UBE2O: variants seen among roughly 807,000 people sequenced by gnomAD.
UBE2O encodes (E3-independent) E2 ubiquitin-conjugating enzyme.
Under a neutral mutation model 125.8 loss-of-function variants are expected in UBE2O, and 15 were observed. That is an observed-to-expected ratio of 0.12 (90% CI 0.08 to 0.18). The LOEUF (loss-of-function observed/expected upper bound fraction) is 0.18, where lower values mean the gene tolerates loss of function less well. Ranked by LOEUF, UBE2O falls within the 10% of genes least tolerant of loss-of-function variation. The probability of loss-of-function intolerance (pLI) is 1.00; values close to 1 mark genes in which losing one functional copy is unlikely to be tolerated. For missense variants in UBE2O, 1,280 were observed against 1,723.6 expected (o/e 0.74, Z 4.56); for synonymous variants, 708 against 703.2 (o/e 1.01, Z -0.11).
intron 1 of UBE2O, among the ~76,000 whole-genome samples, chr17:76,433,127 C>T (rs954298637): frequency 2.0e-5 from 3 of 152,096 alleles, no homozygotes; most frequent in Admixed American, 1.3e-4. Context: ...CACACAAAAA[C>T]GTGGACTTGA....
intron 1 of UBE2O, among the ~76,000 whole-genome samples, chr17:76,436,348 T>C (rs776352907): frequency 1.3e-5 from 2 of 152,008 alleles, no homozygotes; most frequent in Non-Finnish European, 2.9e-5. Flanking sequence ...GAATTATGGG[T>C]GACTTTTTTT....
chr17:76,390,945 A>G lies in UBE2O; in HGVS notation c.3877T>C (p.Ter1293GlnextTer45). 2.5e-6 allele frequency: 4 copies of G among 1,600,136 alleles called. No individual in the cohort carries two copies. The highest frequency in any genetic ancestry group is 3.4e-6 in the Non-Finnish European group (4 of 1,173,404). The change falls in exon 18 of 18, where the codon TAG becomes CAG. Residue 1293 changes from the stop codon to glutamine, a stop_lost. Transcript: ENST00000319380. Reference sequence around the variant, plus strand: ...GCTCTTTCCTCTGTGCCTGGCAGCTACTTGTCCTCTGTGCACTCCGGCATG... The same window carrying G: ...GCTCTTTCCTCTGTGCCTGGCAGCTGCTTGTCCTCTGTGCACTCCGGCATG... ...AGMPECTEDK[*>Q] is the part of the protein sequence containing the mutation.
intron 1 of UBE2O, among the ~76,000 whole-genome samples, chr17:76,450,300 G>A (rs979546272): frequency 6.6e-6 from 1 of 152,100 alleles, no homozygotes; most frequent in Non-Finnish European, 1.5e-5. Flanking sequence ...TTGGTGGTCA[G>A]TAACAGACCA....
intron 1 of UBE2O, among the ~76,000 whole-genome samples, chr17:76,424,575 A>C (rs550179156): frequency 6.6e-6 from 1 of 152,292 alleles, no homozygotes; most frequent in South Asian, 2.1e-4. Context: ...GTTAAATAAA[A>C]CATTAAAATT....
At chr17:76,412,868 C>T (rs1006560823) in intron 1 of UBE2O, among the ~76,000 whole-genome samples, 6 of 151,978 alleles carry the variant, frequency 3.9e-5, no homozygotes, top group Non-Finnish European at 7.4e-5. Flanking sequence ...ATTACCTGGG[C>T]GTGGTGGTGG....
rs1419526357 is a variant in UBE2O at position 76,405,833 on chromosome 17, G to A, written c.418-261C>T. Among the ~76,000 whole-genome samples the A allele has an allele frequency of 6.6e-6, 1 of 152,204 alleles. No homozygotes were observed. The highest frequency in any genetic ancestry group is 2.4e-5 in the African/African-American group (1 of 41,444). On this transcript the variant is annotated intron_variant, in intron 1 of 17. Coordinates refer to ENST00000319380, the MANE Select transcript of UBE2O (RefSeq NM_022066.4). This position sits in a 1 kb window ranked among gnomAD's most constrained non-coding sequence, Gnocchi z 6.1. ...ACCAGAGGCACTTGGCTTGCCGGAGGTAGCCTTCCTCACACTGAACAGTGC... is the reference window on the plus strand; with the variant it reads ...ACCAGAGGCACTTGGCTTGCCGGAGATAGCCTTCCTCACACTGAACAGTGC...
chr17:76,419,283 CAAAAAAAA>C (rs35062714), intron 1 of UBE2O, among the ~76,000 whole-genome samples: 11 of 63,282 alleles, frequency 1.7e-4, no homozygotes, highest in Non-Finnish European at 2.9e-4. Flanking sequence ...GACCCTATCT[CAAAAAAAA>C]AAAAAAAAAA....
rs1383904849 is a variant in UBE2O, at chr17:76,401,134, G to A, written c.771C>T (p.Ser257=). 1 of 1,613,802 alleles carries A rather than the reference G, an allele frequency of 6.2e-7. No individual in the cohort carries two copies. Among genetic ancestry groups the A allele is most frequent in the Non-Finnish European group, 8.5e-7 (1 of 1,180,016 alleles). Residue 257 remains serine (S), a synonymous_variant, in exon 6 of 18, where the codon TCC becomes TCT. Coordinates refer to ENST00000319380, the MANE Select transcript of UBE2O (RefSeq NM_022066.4). ...GCACCTGGCCTGGGTAGAAGCCATA[G>A]GAATCATCGAAGAAGAGACCCTGCG... ...VSDSGLFFDD[S]YGFYPGQVLI... is the part of the protein sequence containing the mutation.
rs367751872 is a variant in UBE2O, at chr17:76,419,837, G to T, written c.418-14265C>A. 7.2e-5 allele frequency among the ~76,000 whole-genome samples: 11 copies of T among 152,352 alleles called. 1 individual carries two copies. In the East Asian group the frequency reaches 1.9e-3, roughly 27 times the overall value. The stretch of plus-strand genomic sequence containing the variant: ...GCTGTGACTAGAAGGGAGCGAGCTG[G>T]TGTGAAAGCGTGGCTCTACCCACGC... On this transcript the variant is annotated intron_variant, in intron 1 of 17. Coordinates refer to ENST00000319380, the MANE Select transcript of UBE2O (RefSeq NM_022066.4).
At chr17:76,416,052 T>C (rs774750780) in intron 1 of UBE2O, among the ~76,000 whole-genome samples, 77 of 151,930 alleles carry the variant, frequency 5.1e-4, no homozygotes, top group Non-Finnish European at 2.5e-4. Flanking sequence ...TGTACATATG[T>C]ACATACACGT....
chr17:76,437,881 T>C (rs115720352), intron 1 of UBE2O, among the ~76,000 whole-genome samples: 1,619 of 152,322 alleles, frequency 0.011, 29 homozygotes, highest in African/African-American at 0.033. Context: ...TATGAGGTTA[T>C]GAAATAGGAC....
intron 1 of UBE2O, among the ~76,000 whole-genome samples, chr17:76,446,092 T>C (rs1033764494): frequency 1.3e-5 from 2 of 152,192 alleles, no homozygotes; most frequent in African/African-American, 4.8e-5. Context: ...CCCCTTTTGA[T>C]TGTCATTTTA....
intron 1 of UBE2O, among the ~76,000 whole-genome samples, chr17:76,408,411 G>T (rs1208685397): frequency 6.6e-6 from 1 of 152,184 alleles, no homozygotes; most frequent in Non-Finnish European, 1.5e-5. Flanking sequence ...CTGAGACCAA[G>T]AGAAAATAAG....
rs566292968 is a variant in UBE2O, at chr17:76,438,891, C to T, written c.417+13834G>A. The stretch of plus-strand genomic sequence containing the variant: ...CATGCATAGGTGACGCCATGCACAC[C>T]GAGGGCACAGAGGACACAACTCATC... On this transcript the variant is annotated intron_variant, in intron 1 of 17. Coordinates refer to ENST00000319380, the MANE Select transcript of UBE2O (RefSeq NM_022066.4). 3.6e-4 allele frequency among the ~76,000 whole-genome samples: 55 copies of T among 151,084 alleles called. No individual in the cohort carries two copies. In the East Asian group the frequency reaches 8.5e-3, roughly 23 times the overall value.
rs2072339646 is a variant in UBE2O at position 76,402,225 on chromosome 17, A to T, written c.687-98T>A. Reference sequence around the variant, plus strand: ...GCCAATGCGCCCACATGCCCTAAATAGCACAATTCGTCTTCTACCATCAAC... The same window carrying T: ...GCCAATGCGCCCACATGCCCTAAATTGCACAATTCGTCTTCTACCATCAAC... On this transcript the variant is annotated intron_variant, in intron 4 of 17. Transcript: ENST00000319380. The surrounding 1 kb of genome is among the most constrained non-coding windows in gnomAD (Gnocchi z 5.4). The T allele has an allele frequency of 9.2e-7, 1 of 1,086,360 alleles. No individual in the cohort carries two copies. Among genetic ancestry groups the T allele is most frequent in the Admixed American group, 2.2e-5 (1 of 44,938 alleles). The allele number at this position is 1,086,360 out of a possible 1,614,324, so 67.3% of individuals were successfully genotyped here.
chr17:76,424,839 T>C (rs1302946747), intron 1 of UBE2O, among the ~76,000 whole-genome samples: 1 of 151,248 alleles, frequency 6.6e-6, no homozygotes, highest in Non-Finnish European at 1.5e-5. Context: ...AAAATTAATT[T>C]CACCTGTTTC....
intron 1 of UBE2O, among the ~76,000 whole-genome samples, chr17:76,446,030 T>C (rs1356909111): frequency 1.3e-5 from 2 of 152,246 alleles, no homozygotes; most frequent in Non-Finnish European, 2.9e-5. Flanking sequence ...AGAAAAGTGA[T>C]AGCCTCTTGT....
intron 1 of UBE2O, among the ~76,000 whole-genome samples, chr17:76,440,794 G>A (rs1174291131): frequency 6.6e-6 from 1 of 152,198 alleles, no homozygotes; most frequent in African/African-American, 2.4e-5. Flanking sequence ...TACTGCCTCT[G>A]AATGCTTTTG....
chr17:76,452,530 G>C lies in UBE2O; in HGVS notation c.417+195C>G, dbSNP rs1289127298. ...GGGCCCGCCCGGTCCCGGGCCAGCAGTGCCTGGCTGGCGTGTGCGCCCAGA... is the reference window on the plus strand; with the variant it reads ...GGGCCCGCCCGGTCCCGGGCCAGCACTGCCTGGCTGGCGTGTGCGCCCAGA... On this transcript the variant is annotated intron_variant, in intron 1 of 17. Transcript: ENST00000319380. The surrounding 1 kb of genome is among the most constrained non-coding windows in gnomAD (Gnocchi z 4.4). 6.6e-6 allele frequency among the ~76,000 whole-genome samples: 1 copy of C among 152,182 alleles called. No homozygotes were observed. Among genetic ancestry groups the C allele is most frequent in the Non-Finnish European group, 1.5e-5 (1 of 68,022 alleles).
Sources: gnomAD v4.1 joint callset for allele counts (sites outside exome capture counted in the v4.1 genomes callset) on GRCh38, gnomAD v4.1.1 for gene constraint, Gnocchi (gnomAD v3.1) non-coding constraint, MANE v1.5 for transcripts, NCBI Gene and HGNC (gene_info 2026-07-23, HGNC 2026-07-21) for gene names.